Variants in PHF19 observed in about 807,000 individuals in gnomAD.
PHF19 encodes the protein polycomb like 3.
PHF19 carries 21 observed loss-of-function variants against 79.8 expected under a neutral mutation model. That is an observed-to-expected ratio of 0.26 (90% CI 0.19 to 0.38). The LOEUF is 0.38. Among genes scored for constraint, PHF19 ranks in the 10% least tolerant of loss-of-function variants. The pLI, the probability that PHF19 is intolerant of heterozygous loss-of-function variation, is 1.00. For synonymous variants in PHF19, 273 were observed against 296.3 expected (o/e 0.92, Z 0.81); for missense variants, 445 against 744.2 (o/e 0.60, Z 4.68).
intron 14 of PHF19, 83 bp from the exon 15 acceptor site, chr9:120,858,369 G>T: frequency 9.4e-7 from 1 of 1,063,968 alleles, no homozygotes; most frequent in Non-Finnish European, 1.3e-6. Context: ...CCTCCCCTCA[G>T]TACCAGGAAA....
rs2045713321 is a variant in PHF19 at position 120,866,718 on chromosome 9, A to G, written c.710+152T>C. 2 of 611,408 alleles carry G rather than the reference A, an allele frequency of 3.3e-6. No homozygotes were observed. The highest frequency in any genetic ancestry group is 6.0e-6 in the Non-Finnish European group (2 of 330,802). The allele number at this position is 611,408 out of a possible 1,614,324, so 37.9% of individuals were successfully genotyped here. A position where few individuals can be genotyped will look rare whatever the true frequency, so the allele number is the denominator to read the frequency against. ...GCCCTGCATAGCTAGGGGATCCCCTACCTTGAGCTGCCTCCAGTAAACAGG... is the reference window on the plus strand; with the variant it reads ...GCCCTGCATAGCTAGGGGATCCCCTGCCTTGAGCTGCCTCCAGTAAACAGG... On this transcript the variant is annotated intron_variant, in intron 7 of 14. Transcript: ENST00000373896. The surrounding 1 kb of genome is among the most constrained non-coding windows in gnomAD (Gnocchi z 5.2).
chr9:120,898,785 C>CA (rs201386955), upstream of PHF19, among the ~76,000 whole-genome samples: 1,419 of 152,278 alleles, frequency 9.3e-3, 25 homozygotes, highest in African/African-American at 0.033. Flanking sequence ...TACTATAAAA[C>CA]AGAGATGATA....
In PHF19 at chr9:120,865,773, G is replaced by A; in HGVS notation, c.837C>T (p.Tyr279=). 6.2e-7 allele frequency: 1 copy of A among 1,614,156 alleles called. No individual in the cohort carries two copies. The highest frequency in any genetic ancestry group is 8.5e-7 in the Non-Finnish European group (1 of 1,179,998). The change falls in exon 9 of 15, where the codon TAC becomes TAT. Residue 279 remains tyrosine (Y), a synonymous_variant. Transcript: ENST00000373896. ...YNLGVQSKKK[Y]FDFEEILAFV... is the part of the protein sequence containing the mutation. ...AGGCCAGAATCTCCTCAAAGTCAAAGTACTTCTTCTTGCTCTGTACCCCCA... is the reference window on the plus strand; with the variant it reads ...AGGCCAGAATCTCCTCAAAGTCAAAATACTTCTTCTTGCTCTGTACCCCCA...
intron 10 of PHF19, among the ~76,000 whole-genome samples, chr9:120,863,740 GA>G (rs2131503599): frequency 6.6e-6 from 1 of 152,264 alleles, no homozygotes; most frequent in African/African-American, 2.4e-5. Context: ...CACCCGAGAT[GA>G]TGCACCCATC....
upstream of PHF19, chr9:120,877,389 C>A (rs1027234723): frequency 8.0e-5 from 78 of 979,104 alleles, no homozygotes; most frequent in East Asian, 5.7e-3. Context: ...GCGCCGGCCT[C>A]GCCATTGGAG....
chr9:120,883,079 G>C (rs528928228), intron 1 of PHF19, among the ~76,000 whole-genome samples: 1 of 152,094 alleles, frequency 6.6e-6, no homozygotes, highest in Admixed American at 6.6e-5. Flanking sequence ...TAAAAAAAAT[G>C]GTTGCCAGGG....
upstream of PHF19, among the ~76,000 whole-genome samples, chr9:120,896,200 A>G (rs1271542560): frequency 5.9e-5 from 9 of 152,186 alleles, no homozygotes; most frequent in Admixed American, 5.9e-4. Flanking sequence ...TTGATATACA[A>G]TAAAACCTTG....
chr9:120,902,857 C>T, the PHF19 span: 1 of 152,190 alleles, frequency 6.6e-6, no homozygotes. Context: ...TGCCTTTCTC[C>T]CTTCAATGTC....
chr9:120,881,238 C>T (rs1212204493), upstream of PHF19, among the ~76,000 whole-genome samples: 2 of 151,440 alleles, frequency 1.3e-5, no homozygotes, highest in Non-Finnish European at 2.9e-5. Context: ...ACCTCCGCCT[C>T]CCGGGTTCAC....
chr9:120,902,511 T>TGG, the PHF19 span: 3 of 64,594 alleles, frequency 4.6e-5, no homozygotes, highest in East Asian at 1.5e-3. Flanking sequence ...GGGCGGGGGG[T>TGG]GGGGGGGGGG....
chr9:120,901,287 G>C, the PHF19 span, among the ~76,000 whole-genome samples: 1 of 152,126 alleles, frequency 6.6e-6, no homozygotes, highest in Admixed American at 6.5e-5. Context: ...CTGCCTTCCG[G>C]GTTCAAGCAA....
intron 1 of PHF19, among the ~76,000 whole-genome samples, chr9:120,892,183 A>T (rs938601483): frequency 6.6e-6 from 1 of 152,178 alleles, no homozygotes; most frequent in East Asian, 1.9e-4. Context: ...ACCAAACAAA[A>T]CTTACCTGGG....
In PHF19 at chr9:120,874,033, C is replaced by T. The variant is rs200538668; in HGVS notation, c.214G>A (p.Val72Met). Residue 72 changes from valine (V) to methionine (M), a missense_variant, in exon 3 of 15, where the codon GTG becomes ATG. Transcript: ENST00000373896. This position sits in a 1 kb window ranked among gnomAD's most constrained non-coding sequence, Gnocchi z 4.5. The part of the protein sequence containing the change: ...RVSSSKQSCL[V>M]TFEDNSKYWV... ...TATTTGGAATTATCTTCGAAAGTCACGAGGCAGCTTTGCTTAGAGCTGCTG... is the reference window on the plus strand; with the variant it reads ...TATTTGGAATTATCTTCGAAAGTCATGAGGCAGCTTTGCTTAGAGCTGCTG... 1.0e-4 allele frequency: 163 copies of T among 1,607,970 alleles called. No homozygotes were observed. Among genetic ancestry groups the T allele is most frequent in the African/African-American group, 2.5e-4 (19 of 74,876 alleles).
chr9:120,886,717 C>A (rs1026138681), intron 1 of PHF19, among the ~76,000 whole-genome samples: 1 of 152,220 alleles, frequency 6.6e-6, no homozygotes, highest in African/African-American at 2.4e-5. Context: ...TCTGGGCTGA[C>A]CCCTCTGTGA....
At position 120,885,579 on chromosome 9, in the gene PHF19, GAAAAA is replaced by G. The variant is rs368105816; in HGVS notation, c.42+9204_42+9208del. On this transcript the variant is annotated intron_variant, in intron 1 of 14. Transcript: ENST00000616568. ...GGTGACAGAGCAAGACTCTATCTTG[GAAAAA>G]AAAAAAAAAAAACAAAGCAGGAGAG... 1.6e-3 allele frequency among the ~76,000 whole-genome samples: 224 copies of G among 141,596 alleles called. 2 individuals carry two copies. The highest frequency in any genetic ancestry group is 2.7e-3 in the Non-Finnish European group (172 of 64,522). The allele number at this position is 141,596 out of a possible 152,430, so 92.9% of individuals were successfully genotyped here. A position where few individuals can be genotyped will look rare whatever the true frequency, so the allele number is the denominator to read the frequency against.
Position 120,862,628 on chromosome 9 carries a change from C to G in PHF19, c.1090G>C (p.Ala364Pro). Residue 364 changes from alanine (A) to proline (P), a missense_variant, in exon 11 of 15, where the codon GCC becomes CCC. By Grantham distance (27) the Ala-to-Pro change is conservative (BLOSUM62 -1). This residue lies in a region of PHF19 where 83 missense variants were observed against 85.5 expected (regional missense o/e 0.97). Transcript: ENST00000373896. The surrounding 1 kb of genome is among the most constrained non-coding windows in gnomAD (Gnocchi z 4.6). ...CCTCTCTTACGCAGCTCAGAGGAGG[C>G]GCTGTTCTCATTTGGCAGCAGTCCT... ...DKGLLPNENSASSELRKRGKS... is the reference protein window; with the variant it reads ...DKGLLPNENSPSSELRKRGKS... 1 of 1,614,120 alleles carries G rather than the reference C, an allele frequency of 6.2e-7. No homozygotes were observed. The highest frequency in any genetic ancestry group is 1.7e-5 in the Admixed American group (1 of 60,032).
chr9:120,890,273 C>CTTTTTTTTTT (rs10658749), intron 1 of PHF19, among the ~76,000 whole-genome samples: 2 of 115,412 alleles, frequency 1.7e-5, no homozygotes, highest in Non-Finnish European at 1.7e-5. Context: ...AATGAGCCTG[C>CTTTTTTTTTT]TTTTTTTTTT....
Sources: allele counts gnomAD v4.1 joint callset (sites outside exome capture counted in the v4.1 genomes callset), GRCh38; gene constraint gnomAD v4.1.1; regional missense constraint gnomAD v4.1.1; non-coding constraint Gnocchi (gnomAD v3.1); transcripts MANE v1.5; gene names NCBI Gene and HGNC (gene_info 2026-07-23, HGNC 2026-07-21).